The following CRACR2A variants were observed in gnomAD, a reference collection of about 807,000 sequenced individuals.
CRACR2A encodes calcium release activated channel regulator 2A, also known as EF-hand calcium-binding domain-containing protein 4B.
A neutral mutation model predicts 90.5 loss-of-function variants in CRACR2A; 79 were observed. The ratio of observed to expected loss-of-function variants is 0.87; its 90% CI spans 0.73 to 1.05. The LOEUF is 1.05. Among genes scored for constraint, CRACR2A ranks in the 50% least tolerant of loss-of-function variants. CRACR2A has a pLI of 0.00. For synonymous variants in CRACR2A, 338 were observed against 356.7 expected (o/e 0.95, Z 0.59); for missense variants, 823 against 897.2 (o/e 0.92, Z 1.06).
intron 8 of CRACR2A, among the ~76,000 whole-genome samples, chr12:3,657,452 G>A (rs1265621753): frequency 4.6e-5 from 7 of 152,200 alleles, no homozygotes; most frequent in East Asian, 3.9e-4. Context: ...GGGGGAACAC[G>A]GCCCCCTCGG....
At chr12:3,706,091 C>T (rs138188096) in intron 3 of CRACR2A, among the ~76,000 whole-genome samples, 469 of 152,322 alleles carry the variant, frequency 3.1e-3, no homozygotes, top group African/African-American at 9.9e-3. Flanking sequence ...CAACCCTAAA[C>T]GTATAGGGCA....
At chr12:3,653,052 G>A (rs1034643422) in intron 10 of CRACR2A, among the ~76,000 whole-genome samples, 5 of 151,432 alleles carry the variant, frequency 3.3e-5, no homozygotes, top group African/African-American at 1.2e-4. Flanking sequence ...GCACGATCTT[G>A]GCTCACTGTA....
At chr12:3,709,529 G>A (rs1945978467) in intron 3 of CRACR2A, among the ~76,000 whole-genome samples, 1 of 152,260 alleles carries the variant, frequency 6.6e-6, no homozygotes, top group Non-Finnish European at 1.5e-5. Context: ...TGTAATCCCA[G>A]CACTTTGGGA....
chr12:3,630,926 G>A lies in CRACR2A; in HGVS notation c.1735+2678C>T, dbSNP rs572893582. ...GAAGTTGGAGGACCCCTCGGAGGATGGAGGTGAGCTGGAAGAACAACCAAA... is the reference window on the plus strand; with the variant it reads ...GAAGTTGGAGGACCCCTCGGAGGATAGAGGTGAGCTGGAAGAACAACCAAA... On this transcript the variant is annotated intron_variant, in intron 15 of 19. Coordinates refer to ENST00000440314, the MANE Select transcript of CRACR2A (RefSeq NM_001144958.2). 1.7e-4 allele frequency among the ~76,000 whole-genome samples: 26 copies of A among 152,346 alleles called. No individual in the cohort carries two copies. In the South Asian group the frequency reaches 2.9e-3, roughly 17 times the overall value.
intron 3 of CRACR2A, among the ~76,000 whole-genome samples, chr12:3,710,681 T>G (rs1945994569): frequency 6.6e-6 from 1 of 151,888 alleles, no homozygotes; most frequent in East Asian, 1.9e-4. Flanking sequence ...TAATCCCAGC[T>G]ACTCGGGAGG....
rs1407090582 is a variant in CRACR2A, at chr12:3,649,768, A to C, written c.1047-1155T>G. Among the ~76,000 whole-genome samples the C allele has an allele frequency of 2.0e-5, 3 of 151,874 alleles. No homozygotes were observed. In the East Asian group the frequency reaches 5.8e-4, roughly 29 times the overall value. The stretch of plus-strand genomic sequence containing the variant: ...TCAGCAAATAGTTGTAGGAAGAAAG[A>C]AAAGAGAGAGAGTAAAAGAGGTGAG... On this transcript the variant is annotated intron_variant, in intron 10 of 19. Transcript: ENST00000440314.
intron 15 of CRACR2A, among the ~76,000 whole-genome samples, chr12:3,631,410 G>T (rs1011742419): frequency 2.0e-5 from 3 of 152,058 alleles, no homozygotes; most frequent in Non-Finnish European, 4.4e-5. Context: ...TGGCTCTGAG[G>T]CCTGCAGGCT....
Position 3,654,331 on chromosome 12 carries a change from T to C in CRACR2A, c.927A>G (p.Lys309=). The C allele has an allele frequency of 6.2e-7, 1 of 1,613,776 alleles. No individual in the cohort carries two copies. The highest frequency in any genetic ancestry group is 8.5e-7 in the Non-Finnish European group (1 of 1,179,888). ...CCCGGGCCAGCTCCTGGTTAGTGAG[T>C]TTCAGCTTGGTATTCTCAGCCTTGG... is the stretch of plus-strand genomic sequence containing the variant. ...HETKAENTKL[K]LTNQELAREL... is the part of the protein sequence containing the mutation. The change falls in exon 10 of 20, where the codon AAA becomes AAG. Residue 309 remains lysine, a synonymous_variant. Coordinates refer to ENST00000440314, the MANE Select transcript of CRACR2A (RefSeq NM_001144958.2).
At chr12:3,668,294 G>A (rs1945182576) in intron 7 of CRACR2A, among the ~76,000 whole-genome samples, 1 of 152,154 alleles carries the variant, frequency 6.6e-6, no homozygotes. Context: ...GACTGATTCT[G>A]GAAGAACTGG....
chr12:3,697,995 C>T (rs1050897263), intron 3 of CRACR2A, among the ~76,000 whole-genome samples: 41 of 152,308 alleles, frequency 2.7e-4, no homozygotes, highest in Admixed American at 1.2e-3. Flanking sequence ...AAGTCGGTAC[C>T]TGTCTGGGCC....
In CRACR2A at chr12:3,619,376, C is replaced by A. The variant is rs544180518; in HGVS notation, c.1933-4G>T. 19 of 1,551,210 alleles carry A rather than the reference C, an allele frequency of 1.2e-5. No homozygotes were observed. In the African/African-American group the frequency reaches 2.6e-4, roughly 21 times the overall value. Reference sequence around the variant, plus strand: ...GCACCCGGTCTCCCACAGCTTCCTGCAGAACAGAAAATGTTTTCAACTGAG... The same window carrying A: ...GCACCCGGTCTCCCACAGCTTCCTGAAGAACAGAAAATGTTTTCAACTGAG... On this transcript the variant is annotated splice_region_variant and splice_polypyrimidine_tract_variant and intron_variant, in intron 17 of 19. Coordinates refer to ENST00000440314, the MANE Select transcript of CRACR2A (RefSeq NM_001144958.2).
At chr12:3,732,657 A>C (rs541805043) in intron 2 of CRACR2A, 1 of 152,346 alleles carries the variant, frequency 6.6e-6, no homozygotes, top group East Asian at 1.9e-4. Context: ...TCAGTTTCTT[A>C]TGAGCGCTTT....
intron 8 of CRACR2A, 131 bp downstream of exon 8, chr12:3,659,432 GA>G (rs199799042): frequency 4.1e-4 from 281 of 681,974 alleles, no homozygotes; most frequent in South Asian, 5.2e-4. Context: ...TAAATGCCTT[GA>G]AAAAAAAATA....
intron 10 of CRACR2A, among the ~76,000 whole-genome samples, chr12:3,649,171 G>C (rs111839804): frequency 0.013 from 1,987 of 151,918 alleles, 18 homozygotes; most frequent in Middle Eastern, 0.054. Context: ...CATGGCACAT[G>C]TATACATATG....
At chr12:3,701,794 C>T (rs1279992940) in intron 3 of CRACR2A, among the ~76,000 whole-genome samples, 1 of 152,028 alleles carries the variant, frequency 6.6e-6, no homozygotes, top group Non-Finnish European at 1.5e-5. Context: ...AAATTGAAGA[C>T]TAGGAAATAC....
At chr12:3,621,679 A>AC (rs1944141823) in intron 17 of CRACR2A, among the ~76,000 whole-genome samples, 1 of 140,296 alleles carries the variant, frequency 7.1e-6, no homozygotes, top group East Asian at 2.0e-4. Flanking sequence ...AAAAAAAAAA[A>AC]AACCAAAGCA....
chr12:3,673,374 A>C, intron 7 of CRACR2A, 72 bp downstream of exon 7: 1 of 1,537,890 alleles, frequency 6.5e-7, no homozygotes, highest in Non-Finnish European at 8.8e-7. Flanking sequence ...CAGAAGATCT[A>C]AGAGAAAGTG....
intron 3 of CRACR2A, among the ~76,000 whole-genome samples, chr12:3,701,500 A>G (rs887564505): frequency 1.3e-5 from 2 of 152,172 alleles, no homozygotes; most frequent in Admixed American, 6.5e-5. Context: ...TACAGATACT[A>G]TAGACATTAA....
chr12:3,628,223 T>C (rs1339174601), intron 15 of CRACR2A, among the ~76,000 whole-genome samples: 2 of 132,824 alleles, frequency 1.5e-5, no homozygotes, highest in Non-Finnish European at 3.3e-5. Flanking sequence ...CTTCCTTCCT[T>C]TCTCTCTTTC....
Sources: allele counts gnomAD v4.1 joint callset (sites outside exome capture counted in the v4.1 genomes callset), GRCh38; gene constraint gnomAD v4.1.1; transcripts MANE v1.5; gene names NCBI Gene and HGNC (gene_info 2026-07-23, HGNC 2026-07-21).